FHIT: variants seen among roughly 807,000 people sequenced by gnomAD.
FHIT encodes the protein bis(5'-adenosyl)-triphosphatase.
A neutral mutation model predicts 17.9 loss-of-function variants in FHIT; 19 were observed. The observed-to-expected ratio is 1.06, with a 90% CI of 0.74 to 1.56. The LOEUF (loss-of-function observed/expected upper bound fraction) is 1.56, where lower values mean the gene tolerates loss of function less well. Ranked by LOEUF, FHIT falls within the 40% of genes most tolerant of loss-of-function variation. The probability of loss-of-function intolerance (pLI) is 0.00; values close to 1 mark genes in which losing one functional copy is unlikely to be tolerated. For missense variants in FHIT, 248 were observed against 189.2 expected (o/e 1.31, Z -1.82); for synonymous variants, 81 against 69.7 (o/e 1.16, Z -0.81).
intron 4 of FHIT, among the ~76,000 whole-genome samples, chr3:60,820,031 G>A (rs1701873155): frequency 6.6e-6 from 1 of 152,064 alleles, no homozygotes; most frequent in East Asian, 1.9e-4. Context: ...CTTCTAGCCG[G>A]GAGTGATGGC....
intron 5 of FHIT, among the ~76,000 whole-genome samples, chr3:60,355,236 C>G (rs1158902106): frequency 6.6e-6 from 1 of 152,168 alleles, no homozygotes; most frequent in Non-Finnish European, 1.5e-5. Flanking sequence ...TTAAGTTCCA[C>G]TTCTCGATTT....
chr3:61,116,771 T>C lies in FHIT; in HGVS notation c.-163-74672A>G, dbSNP rs568402350. Among the ~76,000 whole-genome samples, 4 of 152,280 alleles carry C rather than the reference T, an allele frequency of 2.6e-5. No individual in the cohort carries two copies. The East Asian group carries it at 5.8e-4, about 22-fold the overall frequency. On this transcript the variant is annotated intron_variant, in intron 2 of 9. Coordinates refer to ENST00000492590, the MANE Select transcript of FHIT (RefSeq NM_002012.4). ...AACTACTATTGTCCTCTCTGCTACA[T>C]ATTAGCAGCAAACTCATCTTACTAC...
chr3:61,139,034 T>TC (rs2036998306), intron 2 of FHIT, among the ~76,000 whole-genome samples: 1 of 150,760 alleles, frequency 6.6e-6, no homozygotes, highest in African/African-American at 2.4e-5. Context: ...ATCAAACTTT[T>TC]TTTTTTTTTT....
chr3:60,058,856 T>C (rs1702191682), intron 5 of FHIT, among the ~76,000 whole-genome samples: 1 of 152,150 alleles, frequency 6.6e-6, no homozygotes, highest in Admixed American at 6.5e-5. Context: ...TACAACAAAA[T>C]ATTAATTGTT....
intron 3 of FHIT, among the ~76,000 whole-genome samples, chr3:60,832,281 G>A (rs1553742762): frequency 1.3e-5 from 2 of 152,012 alleles, no homozygotes; most frequent in Admixed American, 6.6e-5. Flanking sequence ...TACCAATGAG[G>A]AAACAGAGGC....
At chr3:60,297,811 T>C (rs78157071) in intron 5 of FHIT, among the ~76,000 whole-genome samples, 16,160 of 152,060 alleles carry the variant, frequency 0.11, 919 homozygotes, top group Non-Finnish European at 0.12. Flanking sequence ...AGTTCACACA[T>C]TATCTACCCA....
intron 5 of FHIT, among the ~76,000 whole-genome samples, chr3:60,048,301 C>T (rs542391269): frequency 2.6e-5 from 4 of 152,224 alleles, no homozygotes; most frequent in Non-Finnish European, 5.9e-5. Flanking sequence ...CTCAGCCTCC[C>T]GAGTAGCTGG....
chr3:61,053,256 G>T (rs1038176994), intron 2 of FHIT, among the ~76,000 whole-genome samples: 1 of 151,954 alleles, frequency 6.6e-6, no homozygotes, highest in African/African-American at 2.4e-5. Context: ...GAAGTTCTCA[G>T]GTAAATAACA....
chr3:60,856,544 C>T (rs930882514), intron 3 of FHIT: 1 of 152,104 alleles, frequency 6.6e-6, no homozygotes, highest in Non-Finnish European at 1.5e-5. Context: ...CAGTGCTCTA[C>T]ACACTTGGGG....
intron 7 of FHIT, among the ~76,000 whole-genome samples, chr3:59,967,664 A>G (rs1386745576): frequency 1.3e-5 from 2 of 152,190 alleles, no homozygotes; most frequent in Non-Finnish European, 2.9e-5. Context: ...GTGTTCACGA[A>G]GAGCCAGCAT....
chr3:60,008,414 T>C (rs1281668162), intron 7 of FHIT, among the ~76,000 whole-genome samples: 2 of 152,116 alleles, frequency 1.3e-5, no homozygotes, highest in African/African-American at 2.4e-5. Flanking sequence ...TGACTACAAG[T>C]GCCTTACTGA....
intron 8 of FHIT, among the ~76,000 whole-genome samples, chr3:59,912,495 T>C (rs1287854786): frequency 6.6e-6 from 1 of 152,050 alleles, no homozygotes; most frequent in Non-Finnish European, 1.5e-5. Context: ...GTCCTTTCAA[T>C]AACTCTGAAG....
chr3:60,369,759 G>A (rs1410345801), intron 5 of FHIT, among the ~76,000 whole-genome samples: 2 of 152,104 alleles, frequency 1.3e-5, no homozygotes, highest in African/African-American at 2.4e-5. Context: ...TCAGCATTGT[G>A]TGACCTTCAG....
chr3:60,586,830 T>C (rs2037923154), intron 4 of FHIT, among the ~76,000 whole-genome samples: 1 of 151,704 alleles, frequency 6.6e-6, no homozygotes, highest in South Asian at 2.1e-4. Flanking sequence ...CAATAGACAA[T>C]GGGACCTGCT....
chr3:60,246,376 AG>A (rs1413537885), intron 5 of FHIT, among the ~76,000 whole-genome samples: 5 of 152,220 alleles, frequency 3.3e-5, no homozygotes, highest in South Asian at 4.2e-4. Context: ...AGGGGAAGGA[AG>A]GGGAAGGGTC....
intron 5 of FHIT, among the ~76,000 whole-genome samples, chr3:60,225,970 C>T (rs34884909): frequency 0.13 from 20,145 of 152,110 alleles, 1,531 homozygotes; most frequent in Non-Finnish European, 0.17. Context: ...TGAAGGGACC[C>T]AGTGAGGCTG....
At chr3:60,845,267 C>T (rs1184396194) in intron 3 of FHIT, among the ~76,000 whole-genome samples, 1 of 151,416 alleles carries the variant, frequency 6.6e-6, no homozygotes, top group African/African-American at 2.4e-5. Flanking sequence ...TTTTGTGATG[C>T]AGAATTATGT....
At chr3:60,362,764 T>G (rs573740916) in intron 5 of FHIT, among the ~76,000 whole-genome samples, 1 of 152,302 alleles carries the variant, frequency 6.6e-6, no homozygotes, top group Non-Finnish European at 1.5e-5. Flanking sequence ...TGGATCAGAT[T>G]GCCTTCCTTA....
At chr3:60,883,649 T>A (rs1553758575) in intron 3 of FHIT, among the ~76,000 whole-genome samples, 1 of 151,946 alleles carries the variant, frequency 6.6e-6, no homozygotes, top group African/African-American at 2.4e-5. Flanking sequence ...CTGGGAAAAC[T>A]GGATATCCAT....
Sources: allele counts gnomAD v4.1 joint callset (sites outside exome capture counted in the v4.1 genomes callset), GRCh38; gene constraint gnomAD v4.1.1; transcripts MANE v1.5; gene names NCBI Gene and HGNC (gene_info 2026-07-23, HGNC 2026-07-21).